SLC25A39: variants seen among roughly 807,000 people sequenced by gnomAD.
SLC25A39 encodes the protein mitochondrial glutathione transporter SLC25A39.
SLC25A39 carries 44 observed loss-of-function variants against 46.6 expected under a neutral mutation model. The ratio of observed to expected loss-of-function variants is 0.94; its 90% CI spans 0.74 to 1.21. The LOEUF (loss-of-function observed/expected upper bound fraction) is 1.21, where lower values mean the gene tolerates loss of function less well. Among genes scored for constraint, SLC25A39 ranks in the 50% most tolerant of loss-of-function variants. The pLI, the probability that SLC25A39 is intolerant of heterozygous loss-of-function variation, is 0.00. For missense variants in SLC25A39, 487 were observed against 473.0 expected (o/e 1.03, Z -0.28); for synonymous variants, 218 against 190.6 (o/e 1.14, Z -1.19).
At chr17:44,322,147 G>T (rs1256038438) in intron 5 of SLC25A39, among the ~76,000 whole-genome samples, 1 of 152,156 alleles carries the variant, frequency 6.6e-6, no homozygotes, top group Non-Finnish European at 1.5e-5. Context: ...TACTTCGGAG[G>T]CTGAGACAGG....
In SLC25A39 at chr17:44,321,165, G is replaced by A. The variant is rs369251462; in HGVS notation, c.584C>T (p.Ser195Leu). 4 of 1,613,036 alleles carry A rather than the reference G, an allele frequency of 2.5e-6. No homozygotes were observed. Among genetic ancestry groups the A allele is most frequent in the Middle Eastern group, 1.7e-4 (1 of 6,060 alleles). ...AACACAGGCACCCAGCTCCCGGTAC[G>A]ACACATGCTGAGCCTGCAGCTTTGT... ...MRTKLQAQHVSYRELGACVRT... is the reference protein window; with the variant it reads ...MRTKLQAQHVLYRELGACVRT... The change falls in exon 8 of 12, where the codon TCG (serine) becomes TTG (leucine). Residue 195 changes from serine (S) to leucine (L), a missense_variant. Transcript: ENST00000377095.
chr17:44,323,376 CAGGACCCCACCCCT>C lies in SLC25A39; in HGVS notation c.86-47_86-34del, dbSNP rs745646847. The stretch of plus-strand genomic sequence containing the variant: ...AGGAAGCGGGTCTGAAGGCTCCTTT[CAGGACCCCACCCCT>C]AGGACTCCTCCCCCAGGACCACACA... On this transcript the variant is annotated intron_variant, in intron 2 of 11. Transcript: ENST00000377095. 8 of 1,603,710 alleles carry C rather than the reference CAGGACCCCACCCCT, an allele frequency of 5.0e-6. No homozygotes were observed. The Admixed American group carries it at 8.4e-5, about 17-fold the overall frequency.
At chr17:44,323,771 AGCTGGG>A in intron 1 of SLC25A39, 194 bp from the exon 2 acceptor site, 1 of 585,018 alleles carries the variant, frequency 1.7e-6, no homozygotes, top group Admixed American at 3.1e-5. Context: ...CCTCCCAAGT[AGCTGGG>A]ACTACAGGCG....
In SLC25A39 at chr17:44,321,708, G is replaced by A. The variant is rs778846685; in HGVS notation, c.384C>T (p.Pro128=). 10 of 1,611,712 alleles carry A rather than the reference G, an allele frequency of 6.2e-6. No individual in the cohort carries two copies. The highest frequency in any genetic ancestry group is 4.5e-5 in the East Asian group (2 of 44,838). Reference sequence around the variant, plus strand: ...AGGACCCGGCTACTCACAGGGTGGCGGGGAGGCCGCTCCAGAGGGTCCTGG... The same window carrying A: ...AGGACCCGGCTACTCACAGGGTGGCAGGGAGGCCGCTCCAGAGGGTCCTGG... The part of the protein sequence containing the change: ...EGTRTLWSGL[P]ATLVMTVPAT... The change falls in exon 6 of 12, where the codon CCC becomes CCT. Residue 128 remains proline (P), a synonymous_variant. Transcript: ENST00000377095.
intron 1 of SLC25A39, chr17:44,324,024 G>C (rs900564521): frequency 2.8e-5 from 5 of 179,280 alleles, no homozygotes; most frequent in Admixed American, 1.1e-4. Context: ...CTCTAAAGCA[G>C]GGACTGTCCG....
Position 44,322,917 on chromosome 17 carries a change from G to A in SLC25A39, c.146-65C>T, listed in dbSNP as rs567871292. On this transcript the variant is annotated intron_variant, in intron 3 of 11. Transcript: ENST00000377095. Reference sequence around the variant, plus strand: ...ACCCGCCCTAGGGACCCCATCTCTGGGAGATCTTTTTATTTTATTTTTTGA... The same window carrying A: ...ACCCGCCCTAGGGACCCCATCTCTGAGAGATCTTTTTATTTTATTTTTTGA... 1.9e-6 allele frequency: 3 copies of A among 1,548,780 alleles called. No individual in the cohort carries two copies. The South Asian group carries it at 3.4e-5, about 17-fold the overall frequency.
intron 4 of SLC25A39, 61 bp downstream of exon 4, chr17:44,322,747 A>G (rs898631347): frequency 2.2e-5 from 36 of 1,610,774 alleles, no homozygotes; most frequent in Non-Finnish European, 2.8e-5. Flanking sequence ...CCCTGGGGAC[A>G]GGGACAAGGA....
intron 1 of SLC25A39, 106 bp from the exon 2 acceptor site, chr17:44,323,683 T>C: frequency 6.5e-6 from 5 of 763,398 alleles, no homozygotes; most frequent in South Asian, 3.5e-5. Flanking sequence ...CTGCGCACTG[T>C]TGCCAGGCTG....
At chr17:44,321,405 G>C (rs754357548) in intron 7 of SLC25A39, 29 bp downstream of exon 7, 2 of 1,613,554 alleles carry the variant, frequency 1.2e-6, no homozygotes, top group Non-Finnish European at 1.7e-6. Flanking sequence ...GGGGACAGAG[G>C]GAGGTCAAAG....
rs372401328 is a variant in SLC25A39, at chr17:44,322,399, C to G, written c.324+20G>C. 1 of 1,613,830 alleles carries G rather than the reference C, an allele frequency of 6.2e-7. No individual in the cohort carries two copies. On this transcript the variant is annotated intron_variant, in intron 5 of 11. Transcript: ENST00000377095. ...CCTCACGGACACCGACGAATCCCTA[C>G]GGACCCAGCTGCTCCTCACCATGGT...
chr17:44,321,010 C>T, intron 8 of SLC25A39, 48 bp downstream of exon 8: 1 of 1,525,512 alleles, frequency 6.6e-7, no homozygotes, highest in South Asian at 1.3e-5. Context: ...ACCCTTTGTG[C>T]ATCACCCCAG....
rs759086074 is a variant in SLC25A39, at chr17:44,319,823, G to T, written c.*178C>A. 7.2e-5 allele frequency: 43 copies of T among 599,826 alleles called. No homozygotes were observed. The highest frequency in any genetic ancestry group is 1.2e-4 in the Admixed American group (4 of 33,776). 37.2% of individuals were successfully genotyped at this position (599,826 alleles called of 1,614,324 possible). A position where few individuals can be genotyped will look rare whatever the true frequency, so the allele number is the denominator to read the frequency against. ...CCCACGACTGGAGCAGCAGGAAGAA[G>T]TTGTGTCTGAGGAAGTGCTGGGCCG... On this transcript the variant is annotated 3_prime_UTR_variant, in exon 12 of 12. Coordinates refer to ENST00000377095, the MANE Select transcript of SLC25A39 (RefSeq NM_001143780.3).
intron 2 of SLC25A39, 39 bp downstream of exon 2, chr17:44,323,439 A>AAAACCCCCC: frequency 7.8e-6 from 2 of 257,112 alleles, no homozygotes; most frequent in Non-Finnish European, 1.1e-5. Flanking sequence ...GGTCTGCCCC[A>AAAACCCCCC]TCCCCACCCG....
At position 44,323,352 on chromosome 17, in the gene SLC25A39, G is replaced by A; in HGVS notation, c.86-9C>T. 6.2e-7 allele frequency: 1 copy of A among 1,609,492 alleles called. No homozygotes were observed. Among genetic ancestry groups the A allele is most frequent in the Middle Eastern group, 1.7e-4 (1 of 5,922 alleles). On this transcript the variant is annotated splice_polypyrimidine_tract_variant and intron_variant, in intron 2 of 11. Transcript: ENST00000377095. ...CACGTCCAGGGGTGTCACTGGGGGA[G>A]GAAGCGGGTCTGAAGGCTCCTTTCA...
rs745740963 is a variant in SLC25A39 at position 44,320,024 on chromosome 17, G to T, written c.1057C>A (p.Gln353Lys). ...TTTCAGCCGCCCAGAAGCCGGTCCTGGTTCAGCCTCTGGAAGAAGCTTTTG... is the reference window on the plus strand; with the variant it reads ...TTTCAGCCGCCCAGAAGCCGGTCCTTGTTCAGCCTCTGGAAGAAGCTTTTG... ...FGKSFFQRLN[Q>K]DRLLGG The change falls in exon 12 of 12, where the codon CAG becomes AAG. Residue 353 changes from glutamine (Q) to lysine (K), a missense_variant. Physicochemically the swap from Gln to Lys is moderately conservative, Grantham distance 53 (BLOSUM62 1). Coordinates refer to ENST00000377095, the MANE Select transcript of SLC25A39 (RefSeq NM_001143780.3). 2 of 1,614,034 alleles carry T rather than the reference G, an allele frequency of 1.2e-6. No individual in the cohort carries two copies. Among genetic ancestry groups the T allele is most frequent in the South Asian group, 2.2e-5 (2 of 91,082 alleles).
rs937213380 is a variant in SLC25A39 at position 44,324,756 on chromosome 17, C to T, written c.-61G>A. On this transcript the variant is annotated 5_prime_UTR_variant, in exon 1 of 12. Transcript: ENST00000377095. ...GTGCGGCGCGGCGCCCAGGGTCAGG[C>T]GGGCCCATACCGGCTCCGCCGCCTG... is the stretch of plus-strand genomic sequence containing the variant. 3 of 152,118 alleles carry T rather than the reference C, an allele frequency of 2.0e-5. No homozygotes were observed. The highest frequency in any genetic ancestry group is 7.2e-5 in the African/African-American group (3 of 41,422). The allele number at this position is 152,118 out of a possible 1,614,324, so 9.4% of individuals were successfully genotyped here. A position where few individuals can be genotyped will look rare whatever the true frequency, so the allele number is the denominator to read the frequency against.
chr17:44,323,727 A>G, intron 1 of SLC25A39, 150 bp from the exon 2 acceptor site: 1 of 605,404 alleles, frequency 1.7e-6, no homozygotes, highest in South Asian at 2.0e-5. Context: ...TCACTGCAAC[A>G]TCCACCCCCG....
chr17:44,320,032 C>G lies in SLC25A39; in HGVS notation c.1049G>C (p.Arg350Thr), dbSNP rs547973717. The change falls in exon 12 of 12, where the codon AGG (arginine) becomes ACG (threonine). Residue 350 changes from arginine (R) to threonine (T), a missense_variant. Transcript: ENST00000377095. The stretch of plus-strand genomic sequence containing the variant: ...GCCCAGAAGCCGGTCCTGGTTCAGC[C>G]TCTGGAAGAAGCTTTTGCCGAACTC... ...TYEFGKSFFQ[R>T]LNQDRLLGG The G allele has an allele frequency of 1.2e-6, 2 of 1,614,074 alleles. No individual in the cohort carries two copies. Among genetic ancestry groups the G allele is most frequent in the Non-Finnish European group, 1.7e-6 (2 of 1,180,034 alleles).
chr17:44,321,669 G>C (rs1300111321), intron 6 of SLC25A39, 31 bp downstream of exon 6: 1 of 1,608,574 alleles, frequency 6.2e-7, no homozygotes, highest in African/African-American at 1.3e-5. Flanking sequence ...GGAAGTACCA[G>C]AGGAGAGTGG....
Sources: gnomAD v4.1 joint callset for allele counts (sites outside exome capture counted in the v4.1 genomes callset) on GRCh38, gnomAD v4.1.1 for gene constraint, MANE v1.5 for transcripts, NCBI Gene and HGNC (gene_info 2026-07-23, HGNC 2026-07-21) for gene names.